TG: variants seen among roughly 807,000 people sequenced by gnomAD.
TG encodes thyroglobulin.
Under a neutral mutation model 324.7 loss-of-function variants are expected in TG, and 270 were observed. The observed-to-expected ratio is 0.83, with a 90% CI of 0.75 to 0.92. TG has a LOEUF of 0.92. Among genes scored for constraint, TG ranks in the 40% least tolerant of loss-of-function variants. TG has a pLI of 0.00. For missense variants in TG, 3,591 were observed against 3,456.4 expected (o/e 1.04, Z -0.98); for synonymous variants, 1,401 against 1,327.0 (o/e 1.06, Z -1.21).
chr8:133,098,443 G>A (rs1178887925), intron 43 of TG, among the ~76,000 whole-genome samples: 2 of 152,140 alleles, frequency 1.3e-5, no homozygotes, highest in Non-Finnish European at 2.9e-5. Context: ...CTGAGGCATG[G>A]GCAGACTGGG....
intron 20 of TG, among the ~76,000 whole-genome samples, chr8:132,916,084 C>T (rs1266315971): frequency 6.6e-6 from 1 of 152,200 alleles, no homozygotes; most frequent in African/African-American, 2.4e-5. Flanking sequence ...TATAGTGCCA[C>T]ACAGCTTCAG....
intron 41 of TG, among the ~76,000 whole-genome samples, chr8:133,087,300 G>A (rs925067995): frequency 4.6e-5 from 7 of 152,136 alleles, no homozygotes; most frequent in Admixed American, 3.9e-4. Flanking sequence ...AGCTAAGGTC[G>A]CACTGATGGA....
chr8:132,889,468 C>G (rs1008225196), intron 10 of TG, among the ~76,000 whole-genome samples: 41 of 152,164 alleles, frequency 2.7e-4, no homozygotes, highest in Admixed American at 1.2e-3. Flanking sequence ...GGTGAAAGTA[C>G]CATGTGATGA....
chr8:133,111,411 A>G (rs968063452), intron 43 of TG, among the ~76,000 whole-genome samples: 1 of 152,232 alleles, frequency 6.6e-6, no homozygotes, highest in African/African-American at 2.4e-5. Flanking sequence ...AATGTTTAGC[A>G]CAAAATTTAG....
At chr8:132,991,104 A>T (rs1832275954) in intron 35 of TG, among the ~76,000 whole-genome samples, 2 of 151,022 alleles carry the variant, frequency 1.3e-5, no homozygotes, top group Admixed American at 1.3e-4. Context: ...CACGCTGGTC[A>T]CTCATTACCA....
chr8:132,992,620 G>A (rs1434527726), intron 35 of TG, among the ~76,000 whole-genome samples: 1 of 152,208 alleles, frequency 6.6e-6, no homozygotes. Context: ...GGAGGGTGCT[G>A]TGGGGTCTCT....
At chr8:132,972,839 T>C in intron 34 of TG, 98 bp downstream of exon 34, 1 of 1,476,800 alleles carries the variant, frequency 6.8e-7, no homozygotes, top group Non-Finnish European at 9.5e-7. Context: ...AGTAGATTAA[T>C]GAAGACTCAT....
At chr8:133,118,545 G>A (rs1484353770) in intron 45 of TG, among the ~76,000 whole-genome samples, 1 of 152,036 alleles carries the variant, frequency 6.6e-6, no homozygotes, top group Admixed American at 6.5e-5. Flanking sequence ...GGCTGGTCTC[G>A]AATTCTTGAC....
chr8:132,896,673 A>G (rs1817150734), intron 11 of TG, among the ~76,000 whole-genome samples: 1 of 151,414 alleles, frequency 6.6e-6, no homozygotes, highest in Admixed American at 6.6e-5. Flanking sequence ...CCCGCTGCCC[A>G]CCCTTGCTTC....
At chr8:133,067,827 G>A (rs143964817) in intron 41 of TG, among the ~76,000 whole-genome samples, 2 of 146,714 alleles carry the variant, frequency 1.4e-5, no homozygotes, top group Non-Finnish European at 3.0e-5. Flanking sequence ...GAAGGAAGGG[G>A]GAGAGAGAGA....
intron 34 of TG, among the ~76,000 whole-genome samples, chr8:132,979,930 A>G (rs1050267442): frequency 1.3e-5 from 2 of 152,184 alleles, no homozygotes; most frequent in Admixed American, 6.5e-5. Flanking sequence ...ACTTCTGACC[A>G]TATAAATTGG....
chr8:133,075,080 G>A (rs72729532), intron 41 of TG: 69,308 of 985,284 alleles, frequency 0.07, 2,659 homozygotes, highest in Non-Finnish European at 0.076. Context: ...TTGCAGAAGG[G>A]CAGGTTCCTG....
chr8:133,023,725 C>T (rs1252715020), intron 40 of TG, among the ~76,000 whole-genome samples: 1 of 152,170 alleles, frequency 6.6e-6, no homozygotes, highest in Non-Finnish European at 1.5e-5. Flanking sequence ...ACATGGCTGT[C>T]TTGTTGGCTT....
intron 41 of TG, among the ~76,000 whole-genome samples, chr8:133,068,789 C>A (rs1470459169): frequency 6.6e-6 from 1 of 152,222 alleles, no homozygotes; most frequent in African/African-American, 2.4e-5. Flanking sequence ...TAAAAAGAGC[C>A]CATTTCTTTC....
intron 33 of TG, 104 bp downstream of exon 33, chr8:132,971,977 G>C: frequency 1.2e-6 from 1 of 857,758 alleles, no homozygotes; most frequent in Non-Finnish European, 2.0e-6. Flanking sequence ...TCCTATCCTC[G>C]TTCACAGATA....
chr8:132,938,569 T>C (rs1823949457), intron 25 of TG, among the ~76,000 whole-genome samples: 1 of 152,188 alleles, frequency 6.6e-6, no homozygotes, highest in African/African-American at 2.4e-5. Context: ...GCACTGTGGA[T>C]ACATCTGTGA....
chr8:132,933,731 T>C (rs953592175), intron 24 of TG, 55 bp downstream of exon 24: 33 of 1,530,986 alleles, frequency 2.2e-5, no homozygotes, highest in Middle Eastern at 1.7e-4. Context: ...GGATCAGATG[T>C]GCTCTGAGGA....
At chr8:133,101,054 G>T (rs1235961672) in intron 43 of TG, among the ~76,000 whole-genome samples, 5 of 152,106 alleles carry the variant, frequency 3.3e-5, no homozygotes, top group Non-Finnish European at 7.3e-5. Flanking sequence ...TCCACTGCAG[G>T]TCTCTGACCC....
chr8:132,985,308 T>C (rs1034815636), intron 35 of TG, among the ~76,000 whole-genome samples: 2 of 152,216 alleles, frequency 1.3e-5, no homozygotes, highest in Non-Finnish European at 2.9e-5. Flanking sequence ...GTGAGTTATA[T>C]GCAAATGCCA....
Sources: allele counts gnomAD v4.1 joint callset (sites outside exome capture counted in the v4.1 genomes callset), GRCh38; gene constraint gnomAD v4.1.1; transcripts MANE v1.5; gene names NCBI Gene and HGNC (gene_info 2026-07-23, HGNC 2026-07-21).